The following MEI4 variants were observed in gnomAD, a reference collection of about 807,000 sequenced individuals.
The protein encoded by MEI4 is meiotic double-stranded break formation protein 4, also known as meiosis-specific protein MEI4.
In MEI4, 27 loss-of-function variants were observed where a neutral mutation model predicts 31.4. The ratio of observed to expected loss-of-function variants is 0.86; its 90% CI spans 0.63 to 1.19. The LOEUF (loss-of-function observed/expected upper bound fraction) is 1.19, where lower values mean the gene tolerates loss of function less well. MEI4 is among the 50% of genes most tolerant of loss of function. The probability of loss-of-function intolerance (pLI) is 0.00; values close to 1 mark genes in which losing one functional copy is unlikely to be tolerated. For missense variants in MEI4, 329 were observed against 398.9 expected, an observed-to-expected ratio of 0.82 and a Z score of 1.49; for synonymous variants, 122 against 145.4, an observed-to-expected ratio of 0.84 and a Z score of 1.16.
intron 4 of MEI4, among the ~76,000 whole-genome samples, chr6:77,881,495 A>C (rs1401172893): frequency 1.3e-5 from 2 of 152,342 alleles, no homozygotes; most frequent in Admixed American, 1.3e-4. Flanking sequence ...GCCTAGGTCA[A>C]ATTTGTAGAA....
chr6:77,670,719 G>T (rs1349991035), intron 1 of MEI4, among the ~76,000 whole-genome samples: 2 of 152,046 alleles, frequency 1.3e-5, no homozygotes, highest in Non-Finnish European at 2.9e-5. Flanking sequence ...ACTAACTGAA[G>T]CCTTTTCTGT....
At chr6:77,779,663 T>C (rs901170867) in intron 3 of MEI4, among the ~76,000 whole-genome samples, 2 of 152,172 alleles carry the variant, frequency 1.3e-5, no homozygotes, top group African/African-American at 2.4e-5. Flanking sequence ...TAGCTGTTTT[T>C]TTGTTGTTAA....
intron 1 of MEI4, among the ~76,000 whole-genome samples, chr6:77,662,151 G>C (rs1474859613): frequency 6.6e-6 from 1 of 152,198 alleles, no homozygotes; most frequent in Non-Finnish European, 1.5e-5. Context: ...CCTTTTGCAA[G>C]AGTGAGGGCT....
intron 4 of MEI4, among the ~76,000 whole-genome samples, chr6:77,850,912 T>G (rs1770600582): frequency 6.6e-6 from 1 of 151,894 alleles, no homozygotes; most frequent in African/African-American, 2.4e-5. Context: ...ATATCCAGAA[T>G]CTACAAAGAA....
chr6:77,855,180 T>C (rs1770716822), intron 4 of MEI4, among the ~76,000 whole-genome samples: 1 of 151,772 alleles, frequency 6.6e-6, no homozygotes, highest in African/African-American at 2.4e-5. Flanking sequence ...CTGTCTCTAC[T>C]AAAAAAATAC....
intron 3 of MEI4, among the ~76,000 whole-genome samples, chr6:77,790,349 A>G (rs1459824147): frequency 6.6e-6 from 1 of 151,968 alleles, no homozygotes; most frequent in Non-Finnish European, 1.5e-5. Flanking sequence ...ACATGTATAC[A>G]TATGTAACCT....
chr6:77,697,970 T>C (rs910759699), intron 2 of MEI4, among the ~76,000 whole-genome samples: 1 of 152,206 alleles, frequency 6.6e-6, no homozygotes, highest in Non-Finnish European at 1.5e-5. Flanking sequence ...TTCATATATA[T>C]TTAGGATAGT....
chr6:77,911,450 C>T (rs181767708), intron 4 of MEI4, among the ~76,000 whole-genome samples: 47 of 151,760 alleles, frequency 3.1e-4, no homozygotes, highest in African/African-American at 1.1e-3. Context: ...CAGGTATTAC[C>T]CCCTCCTTCT....
intron 4 of MEI4, among the ~76,000 whole-genome samples, chr6:77,886,210 T>C (rs1240950657): frequency 1.3e-5 from 2 of 152,104 alleles, no homozygotes; most frequent in Non-Finnish European, 1.5e-5. Flanking sequence ...CTCCTCAACT[T>C]TTTTGGAATA....
chr6:77,878,082 G>A (rs1053315882), intron 4 of MEI4, among the ~76,000 whole-genome samples: 3 of 152,192 alleles, frequency 2.0e-5, no homozygotes, highest in Admixed American at 2.0e-4. Flanking sequence ...GCAGTAACAA[G>A]TTTTGAAAGA....
intron 1 of MEI4, among the ~76,000 whole-genome samples, chr6:77,656,127 T>G (rs1433816364): frequency 2.0e-5 from 3 of 152,164 alleles, no homozygotes; most frequent in Non-Finnish European, 4.4e-5. Context: ...GGAAAATAAA[T>G]CCTCTTGTAT....
chr6:77,710,107 T>A (rs1206078992), intron 2 of MEI4, among the ~76,000 whole-genome samples: 1 of 152,210 alleles, frequency 6.6e-6, no homozygotes, highest in Non-Finnish European at 1.5e-5. Flanking sequence ...CCATGCACAG[T>A]TGTCTGTGAT....
chr6:77,879,858 A>G (rs2127728187), intron 4 of MEI4, among the ~76,000 whole-genome samples: 1 of 152,330 alleles, frequency 6.6e-6, no homozygotes, highest in African/African-American at 2.4e-5. Flanking sequence ...CCATCCTCAG[A>G]ATCCATATCT....
intron 2 of MEI4, among the ~76,000 whole-genome samples, chr6:77,735,909 T>A (rs889520112): frequency 3.1e-4 from 47 of 152,070 alleles, no homozygotes; most frequent in African/African-American, 1.1e-3. Context: ...GGTGTCAGTC[T>A]GCCCCTGCTG....
chr6:77,696,580 T>C (rs1440659223), intron 2 of MEI4, among the ~76,000 whole-genome samples: 1 of 151,522 alleles, frequency 6.6e-6, no homozygotes, highest in Non-Finnish European at 1.5e-5. Flanking sequence ...TTGATTTGCG[T>C]ATATTGAACC....
chr6:77,866,606 G>A (rs565365141), intron 4 of MEI4, among the ~76,000 whole-genome samples: 3 of 152,292 alleles, frequency 2.0e-5, no homozygotes, highest in African/African-American at 7.2e-5. Context: ...AACATTCCAT[G>A]CTCATGGGTA....
intron 2 of MEI4, among the ~76,000 whole-genome samples, chr6:77,704,248 A>G (rs1190282204): frequency 6.6e-6 from 1 of 152,022 alleles, no homozygotes; most frequent in Non-Finnish European, 1.5e-5. Flanking sequence ...TTCTTCTCCC[A>G]CTTCTCCCCC....
intron 4 of MEI4, among the ~76,000 whole-genome samples, chr6:77,907,290 C>T (rs1314249143): frequency 1.3e-5 from 2 of 152,046 alleles, no homozygotes; most frequent in South Asian, 2.1e-4. Context: ...CTTCCCCCTC[C>T]CCGCACTCCA....
chr6:77,658,422 CAG>C (rs1281253952), intron 1 of MEI4, among the ~76,000 whole-genome samples: 1 of 152,092 alleles, frequency 6.6e-6, no homozygotes, highest in Non-Finnish European at 1.5e-5. Context: ...GTGCAAGTCA[CAG>C]GGGATGCGAT....
Sources: allele counts gnomAD v4.1 joint callset (sites outside exome capture counted in the v4.1 genomes callset), GRCh38; gene constraint gnomAD v4.1.1; transcripts MANE v1.5; gene names NCBI Gene and HGNC (gene_info 2026-07-23, HGNC 2026-07-21).